CRK: variants seen among roughly 807,000 people sequenced by gnomAD.
CRK encodes CRK proto-oncogene, adaptor protein.
Under a neutral mutation model 29.8 loss-of-function variants are expected in CRK, and 4 were observed. The observed-to-expected ratio is 0.13, with a 90% CI of 0.07 to 0.31. CRK has a LOEUF of 0.31. CRK is among the 10% of genes least tolerant of loss of function. The pLI is 1.00. For synonymous variants in CRK, 153 were observed against 164.9 expected, an observed-to-expected ratio of 0.93 and a Z score of 0.55; for missense variants, 274 against 396.5, an observed-to-expected ratio of 0.69 and a Z score of 2.62.
chr17:1,437,262 G>T, intron 1 of CRK, 107 bp from the exon 2 acceptor site: 1 of 1,282,694 alleles, frequency 7.8e-7, no homozygotes, highest in Non-Finnish European at 1.0e-6. Flanking sequence ...ATGTTACCCA[G>T]GCTGGTCTTG....
chr17:1,447,619 T>G (rs2073985420), intron 1 of CRK, among the ~76,000 whole-genome samples: 1 of 149,630 alleles, frequency 6.7e-6, no homozygotes, highest in South Asian at 2.2e-4. Context: ...TTTTTTTTTT[T>G]TTTTTTTGAG....
chr17:1,451,061 G>A (rs1400005095), intron 1 of CRK, among the ~76,000 whole-genome samples: 1 of 151,374 alleles, frequency 6.6e-6, no homozygotes, highest in African/African-American at 2.4e-5. Context: ...GCGTGGTGGC[G>A]GGCGCCTGTA....
rs1453937552 is a variant in CRK at position 1,421,393 on chromosome 17, C to T, written c.*2120G>A. The T allele has an allele frequency of 1.3e-5, 2 of 152,214 alleles. No homozygotes were observed. The highest frequency in any genetic ancestry group is 3.8e-4 in the East Asian group (2 of 5,198). The allele number at this position is 152,214 out of a possible 1,614,324, so 9.4% of individuals were successfully genotyped here. A position where few individuals can be genotyped will look rare whatever the true frequency, so the allele number is the denominator to read the frequency against. On this transcript the variant is annotated 3_prime_UTR_variant, in exon 3 of 3. Coordinates refer to ENST00000300574, the MANE Select transcript of CRK (RefSeq NM_016823.4). ...AAACAAGATTTAATGTGTGTGTGGA[C>T]TTTACAGTATCTACGTTCTAACTGA...
chr17:1,447,035 G>T (rs1445631804), intron 1 of CRK, among the ~76,000 whole-genome samples: 5 of 152,106 alleles, frequency 3.3e-5, no homozygotes, highest in African/African-American at 4.8e-5. Flanking sequence ...CCGTTTCTGT[G>T]AACTGCTGGG....
At chr17:1,445,928 C>T (rs1425917553) in intron 1 of CRK, among the ~76,000 whole-genome samples, 1 of 152,156 alleles carries the variant, frequency 6.6e-6, no homozygotes, top group African/African-American at 2.4e-5. Context: ...TTAAGTGTTG[C>T]TAATTTTTAT....
chr17:1,439,008 A>AT (rs1157348101), intron 1 of CRK, among the ~76,000 whole-genome samples: 1 of 149,862 alleles, frequency 6.7e-6, no homozygotes, highest in Non-Finnish European at 1.5e-5. Context: ...TAATTTTTGT[A>AT]TTTTTTGTAG....
At chr17:1,442,157 T>C (rs533484177) in intron 1 of CRK, among the ~76,000 whole-genome samples, 172 of 77,344 alleles carry the variant, frequency 2.2e-3, no homozygotes, top group African/African-American at 0.011. Context: ...GCGCCCGGCC[T>C]GTTTTTTTTT....
At chr17:1,438,396 T>G (rs944648820) in intron 1 of CRK, among the ~76,000 whole-genome samples, 3 of 152,008 alleles carry the variant, frequency 2.0e-5, no homozygotes, top group African/African-American at 7.2e-5. Context: ...TTCCAAAGTG[T>G]TGGGATTACA....
chr17:1,443,553 G>A (rs1004541677), intron 1 of CRK, among the ~76,000 whole-genome samples: 4 of 151,060 alleles, frequency 2.6e-5, no homozygotes, highest in Non-Finnish European at 4.4e-5. Flanking sequence ...CCGCCACCAC[G>A]CCCGGCTAAT....
At chr17:1,428,118 CTTTTT>C (rs55649851) in intron 2 of CRK, among the ~76,000 whole-genome samples, 1 of 135,856 alleles carries the variant, frequency 7.4e-6, no homozygotes, top group African/African-American at 2.8e-5. Context: ...TTCTTTCAGA[CTTTTT>C]TTTTTTTTTT....
At chr17:1,450,807 A>C (rs1003377111) in intron 1 of CRK, among the ~76,000 whole-genome samples, 1 of 151,680 alleles carries the variant, frequency 6.6e-6, no homozygotes, top group Non-Finnish European at 1.5e-5. Context: ...AACTGCTTGA[A>C]CCCAGGAGGT....
chr17:1,427,485 C>T (rs8076532), intron 2 of CRK, among the ~76,000 whole-genome samples: 5 of 151,460 alleles, frequency 3.3e-5, no homozygotes, highest in African/African-American at 1.2e-4. Flanking sequence ...CCCACCTACT[C>T]GGGAGGCTGA....
chr17:1,450,777 T>C (rs2074011319), intron 1 of CRK, among the ~76,000 whole-genome samples: 1 of 151,860 alleles, frequency 6.6e-6, no homozygotes, highest in Non-Finnish European at 1.5e-5. Context: ...TCCCAGCTAT[T>C]TGGGAGACTA....
At chr17:1,426,832 A>G (rs1014678569) in intron 2 of CRK, among the ~76,000 whole-genome samples, 4 of 145,298 alleles carry the variant, frequency 2.8e-5, no homozygotes, top group African/African-American at 1.0e-4. Flanking sequence ...ACTGCACTCC[A>G]GCCTGGCCAA....
Position 1,455,917 on chromosome 17 carries a change from C to T in CRK, c.201G>A (p.Pro67=). The T allele has an allele frequency of 6.3e-7, 1 of 1,584,976 alleles. No individual in the cohort carries two copies. The highest frequency in any genetic ancestry group is 8.6e-7 in the Non-Finnish European group (1 of 1,168,506). Residue 67 remains proline, a synonymous_variant, in exon 1 of 3, where the codon CCG becomes CCA. Coordinates refer to ENST00000300574, the MANE Select transcript of CRK (RefSeq NM_016823.4). ...VSHYIINSSG[P]RPPVPPSPAQ... is the part of the protein sequence containing the mutation. ...CGGGCGACGGTGGCACCGGCGGGCG[C>T]GGGCCGCTGCTGTTGATGATGTAGT... is the stretch of plus-strand genomic sequence containing the variant.
chr17:1,439,188 C>T (rs996321092), intron 1 of CRK, among the ~76,000 whole-genome samples: 3 of 151,958 alleles, frequency 2.0e-5, no homozygotes, highest in Non-Finnish European at 4.4e-5. Flanking sequence ...CTTCGCCTCC[C>T]GGGTTCACGT....
chr17:1,454,474 C>T (rs1455958050), intron 1 of CRK, among the ~76,000 whole-genome samples: 1 of 152,202 alleles, frequency 6.6e-6, no homozygotes, highest in Non-Finnish European at 1.5e-5. Flanking sequence ...CGAGATTGCG[C>T]CACTGTGCTC....
At chr17:1,448,216 G>T (rs773767567) in intron 1 of CRK, among the ~76,000 whole-genome samples, 81 of 152,104 alleles carry the variant, frequency 5.3e-4, no homozygotes, top group Non-Finnish European at 9.3e-4. Context: ...GTCCTTTGCA[G>T]GTTTGGTGCA....
rs778793991 is a variant in CRK at position 1,427,072 on chromosome 17, A to AAAG, written c.778-3423_778-3422insCTT. Among the ~76,000 whole-genome samples the AAAG allele has an allele frequency of 2.2e-3, 207 of 92,066 alleles. 61 individuals carry two copies. The highest frequency in any genetic ancestry group is 3.4e-3 in the Non-Finnish European group (161 of 47,908). The allele number at this position is 92,066 out of a possible 152,430, so 60.4% of individuals were successfully genotyped here. ...AAAAAAAAAAAAAAAAAAAAAAAAAAGATTCTGACATGCCCCAGCCAGGCT... is the reference window on the plus strand; with the variant it reads ...AAAAAAAAAAAAAAAAAAAAAAAAAAAAGGATTCTGACATGCCCCAGCCAGGCT... On this transcript the variant is annotated intron_variant, in intron 2 of 2. Transcript: ENST00000300574.
Sources: allele counts gnomAD v4.1 joint callset (sites outside exome capture counted in the v4.1 genomes callset), GRCh38; gene constraint gnomAD v4.1.1; transcripts MANE v1.5; gene names NCBI Gene and HGNC (gene_info 2026-07-23, HGNC 2026-07-21).